Variants in RASA3 observed in about 807,000 individuals in gnomAD.
The protein encoded by RASA3 is ras GTPase-activating protein 3.
In RASA3, 73 loss-of-function variants were observed where a neutral mutation model predicts 110.0. The observed-to-expected ratio is 0.66, with a 90% CI of 0.55 to 0.81. The LOEUF (loss-of-function observed/expected upper bound fraction) is 0.81, where lower values mean the gene tolerates loss of function less well. Among genes scored for constraint, RASA3 ranks in the 30% least tolerant of loss-of-function variants. The pLI, the probability that RASA3 is intolerant of heterozygous loss-of-function variation, is 0.00. For missense variants in RASA3, 976 were observed against 1,113.2 expected (o/e 0.88, Z 1.75); for synonymous variants, 500 against 451.4 (o/e 1.11, Z -1.37).
intron 1 of RASA3, among the ~76,000 whole-genome samples, chr13:114,117,754 A>ACGTGTGTGAGGGG (rs2080311396): frequency 8.6e-5 from 4 of 46,532 alleles, no homozygotes; most frequent in Non-Finnish European, 1.9e-4. Flanking sequence ...TGTGTGAGGG[A>ACGTGTGTGAGGGG]TGCACGTGTG....
intron 18 of RASA3, among the ~76,000 whole-genome samples, chr13:114,002,735 C>T (rs1011412682): frequency 9.2e-5 from 14 of 152,212 alleles, no homozygotes; most frequent in African/African-American, 3.4e-4. Context: ...AAGCCAGTGG[C>T]TCCTCACTGC....
rs577478298 is a variant in RASA3 at position 113,999,942 on chromosome 13, G to A, written c.1850-275C>T. Among the ~76,000 whole-genome samples the A allele has an allele frequency of 8.5e-4, 27 of 31,610 alleles. 1 individual carries two copies. The highest frequency in any genetic ancestry group is 3.4e-3 in the African/African-American group (23 of 6,774). The allele number at this position is 31,610 out of a possible 152,430, so 20.7% of individuals were successfully genotyped here. On this transcript the variant is annotated intron_variant, in intron 19 of 23. Coordinates refer to ENST00000334062, the MANE Select transcript of RASA3 (RefSeq NM_007368.4). ...GGGTCTCTGCCAGGGGGTCTCTGCTGGGGGGTCTCTGCTGGGGGGGGGTCT... is the reference window on the plus strand; with the variant it reads ...GGGTCTCTGCCAGGGGGTCTCTGCTAGGGGGTCTCTGCTGGGGGGGGGTCT...
chr13:114,095,020 G>T (rs1454730620), intron 1 of RASA3, among the ~76,000 whole-genome samples: 1 of 152,176 alleles, frequency 6.6e-6, no homozygotes, highest in African/African-American at 2.4e-5. Context: ...GGGGTTAAAG[G>T]TGATGCTATT....
At chr13:113,992,171 A>G (rs1186796695) in intron 22 of RASA3, among the ~76,000 whole-genome samples, 1 of 152,274 alleles carries the variant, frequency 6.6e-6, no homozygotes, top group East Asian at 1.9e-4. Context: ...GTCCACACAC[A>G]TGCACTTATC....
At chr13:114,103,969 C>T (rs1190653732) in intron 1 of RASA3, among the ~76,000 whole-genome samples, 5 of 68,364 alleles carry the variant, frequency 7.3e-5, no homozygotes, top group African/African-American at 1.8e-4. Flanking sequence ...CCCGATGCGT[C>T]CACACTGCCG....
chr13:114,029,873 C>G lies in RASA3; in HGVS notation c.387G>C (p.Leu129=). 6.4e-7 allele frequency: 1 copy of G among 1,563,614 alleles called. No individual in the cohort carries two copies. Among genetic ancestry groups the G allele is most frequent in the East Asian group, 2.4e-5 (1 of 41,784 alleles). Residue 129 remains leucine, a synonymous_variant, in exon 5 of 24, where the codon CTG becomes CTC. Coordinates refer to ENST00000334062, the MANE Select transcript of RASA3 (RefSeq NM_007368.4). ...ADSEVQGKVH[L]ELRLSEVITD... Reference sequence around the variant, plus strand: ...TGATGACCTCGCTCAGCCGCAGCTCCAGGTGCACTTTGCCCTGCAAGGCAC... The same window carrying G: ...TGATGACCTCGCTCAGCCGCAGCTCGAGGTGCACTTTGCCCTGCAAGGCAC...
chr13:114,063,933 G>A (rs561772123), intron 2 of RASA3, among the ~76,000 whole-genome samples: 13 of 152,296 alleles, frequency 8.5e-5, no homozygotes, highest in Middle Eastern at 3.4e-3. Flanking sequence ...CTTTTTATGA[G>A]CAGTTTTAAA....
intron 1 of RASA3, among the ~76,000 whole-genome samples, chr13:114,106,507 A>G (rs1415337573): frequency 6.6e-6 from 1 of 152,188 alleles, no homozygotes; most frequent in African/African-American, 2.4e-5. Context: ...AATAATGGCA[A>G]TTTTTCCTAA....
At chr13:114,126,533 C>T (rs1400113856) in intron 1 of RASA3, among the ~76,000 whole-genome samples, 1 of 152,150 alleles carries the variant, frequency 6.6e-6, no homozygotes, top group Non-Finnish European at 1.5e-5. Flanking sequence ...GAAAGCCATC[C>T]CTCCCAGACA....
In RASA3 at chr13:114,018,696, G is replaced by A. The variant is rs1429377583; in HGVS notation, c.942+67C>T. The A allele has an allele frequency of 2.5e-6, 4 of 1,575,816 alleles. No homozygotes were observed. In the South Asian group the frequency reaches 3.4e-5, roughly 14 times the overall value. On this transcript the variant is annotated intron_variant, in intron 10 of 23. Coordinates refer to ENST00000334062, the MANE Select transcript of RASA3 (RefSeq NM_007368.4). ...GGTGCCCTCTGGGGTGGGCCCGGGTGTAGGGTGGGGCCCCAGGCAGGTGGC... is the reference window on the plus strand; with the variant it reads ...GGTGCCCTCTGGGGTGGGCCCGGGTATAGGGTGGGGCCCCAGGCAGGTGGC...
intron 17 of RASA3, among the ~76,000 whole-genome samples, chr13:114,008,957 ACGC>A (rs2053572314): frequency 9.1e-6 from 1 of 109,500 alleles, no homozygotes; most frequent in South Asian, 2.9e-4. Context: ...GATGTTCCCC[ACGC>A]ACCGCGTTCC....
At chr13:114,116,175 T>C (rs116587697) in intron 1 of RASA3, among the ~76,000 whole-genome samples, 1,726 of 152,324 alleles carry the variant, frequency 0.011, 21 homozygotes, top group Middle Eastern at 0.058. Flanking sequence ...GGAGGAATCC[T>C]GCTGGTCCTG....
rs752789324 is a variant in RASA3, at chr13:113,999,584, C to A, written c.1932+1G>T. ...GAGAGGCTTGGGGGCCCCACACTCA[C>A]GTTTTTCATTTTGAAAGACTCCTCC... On this transcript the variant is annotated splice_donor_variant, in intron 20 of 23. Transcript: ENST00000334062. LOFTEE classifies it high-confidence loss of function. 6.2e-7 allele frequency: 1 copy of A among 1,613,220 alleles called. No individual in the cohort carries two copies. The highest frequency in any genetic ancestry group is 8.5e-7 in the Non-Finnish European group (1 of 1,179,724).
intron 1 of RASA3, among the ~76,000 whole-genome samples, chr13:114,122,705 C>T (rs1420300228): frequency 6.6e-6 from 1 of 152,220 alleles, no homozygotes; most frequent in Non-Finnish European, 1.5e-5. Flanking sequence ...AGTGGGGCCT[C>T]CACACAGGGG....
At chr13:114,066,173 C>G (rs997697805) in intron 2 of RASA3, among the ~76,000 whole-genome samples, 1 of 152,170 alleles carries the variant, frequency 6.6e-6, no homozygotes, top group Non-Finnish European at 1.5e-5. Context: ...CCCATACCCC[C>G]CAAAAAAGAA....
chr13:114,079,500 CT>C, intron 1 of RASA3, among the ~76,000 whole-genome samples: 1 of 152,320 alleles, frequency 6.6e-6, no homozygotes, highest in South Asian at 2.1e-4. Context: ...ACAGCGTCTT[CT>C]AACAACATAA....
intron 17 of RASA3, 82 bp downstream of exon 17, chr13:114,009,305 G>T (rs536590942): frequency 8.8e-7 from 1 of 1,135,768 alleles, no homozygotes; most frequent in East Asian, 2.4e-5. Flanking sequence ...TCTGTGTCAT[G>T]TGGGTTCTAT....
Position 113,978,151 on chromosome 13 carries a change from G to C in RASA3, c.*1196C>G, listed in dbSNP as rs751643100. The C allele has an allele frequency of 3.9e-5, 6 of 152,210 alleles. No homozygotes were observed. Among genetic ancestry groups the C allele is most frequent in the Non-Finnish European group, 7.3e-5 (5 of 68,044 alleles). The allele number at this position is 152,210 out of a possible 1,614,324, so 9.4% of individuals were successfully genotyped here. On this transcript the variant is annotated 3_prime_UTR_variant, in exon 24 of 24. Transcript: ENST00000334062. ...TCCTCGGCAGTGTGAGGTCTGGAGG[G>C]GTCTGCCTGGACCCCATTTTTAGGA...
rs2139279585 is a variant in RASA3 at position 114,014,955 on chromosome 13, C to A, written c.1405+254G>T. Reference sequence around the variant, plus strand: ...CTAGAGACCACTGCGGTGGTGATCTCCAGGGCTGGGGTCCCCTGGAGACTA... The same window carrying A: ...CTAGAGACCACTGCGGTGGTGATCTACAGGGCTGGGGTCCCCTGGAGACTA... On this transcript the variant is annotated intron_variant, in intron 14 of 23. Coordinates refer to ENST00000334062, the MANE Select transcript of RASA3 (RefSeq NM_007368.4). This position sits in a 1 kb window ranked among gnomAD's most constrained non-coding sequence, Gnocchi z 4.5. Among the ~76,000 whole-genome samples, 1 of 151,884 alleles carries A rather than the reference C, an allele frequency of 6.6e-6. No individual in the cohort carries two copies. Among genetic ancestry groups the A allele is most frequent in the South Asian group, 2.1e-4 (1 of 4,792 alleles).
Sources: allele counts gnomAD v4.1 joint callset (sites outside exome capture counted in the v4.1 genomes callset), GRCh38; gene constraint gnomAD v4.1.1; non-coding constraint Gnocchi (gnomAD v3.1); transcripts MANE v1.5; gene names NCBI Gene and HGNC (gene_info 2026-07-23, HGNC 2026-07-21).